The following SLIT3 variants were observed in gnomAD, a reference collection of about 807,000 sequenced individuals.
The protein encoded by SLIT3 is slit guidance ligand 3.
In SLIT3, 68 loss-of-function variants were observed where a neutral mutation model predicts 184.0. The observed-to-expected ratio is 0.37, with a 90% confidence interval of 0.30 to 0.45. SLIT3 has a LOEUF of 0.45. SLIT3 is among the 20% of genes least tolerant of loss of function. The probability of loss-of-function intolerance (pLI) is 1.00; values close to 1 mark genes in which losing one functional copy is unlikely to be tolerated. For synonymous variants in SLIT3, 831 were observed against 828.6 expected (o/e 1.00, Z -0.05); for missense variants, 1,707 against 2,026.0 (o/e 0.84, Z 3.02).
chr5:169,285,237 C>A (rs1293881076), intron 1 of SLIT3, among the ~76,000 whole-genome samples: 1 of 152,128 alleles, frequency 6.6e-6, no homozygotes, highest in Non-Finnish European at 1.5e-5. Flanking sequence ...ATTTTTGAAT[C>A]CAGATCTCCT....
intron 4 of SLIT3, among the ~76,000 whole-genome samples, chr5:168,903,326 C>A (rs78212103): frequency 2.6e-5 from 4 of 152,132 alleles, no homozygotes; most frequent in African/African-American, 9.7e-5. Context: ...GGGGTGCAAA[C>A]CTGGTGTCCC....
At chr5:168,922,029 G>A (rs1043838253) in intron 4 of SLIT3, among the ~76,000 whole-genome samples, 2 of 152,162 alleles carry the variant, frequency 1.3e-5, no homozygotes, top group Admixed American at 1.3e-4. Context: ...AACCATGCAA[G>A]GTTAATGAAA....
At chr5:168,693,723 G>A (rs1761975134) in intron 28 of SLIT3, among the ~76,000 whole-genome samples, 1 of 152,174 alleles carries the variant, frequency 6.6e-6, no homozygotes, top group South Asian at 2.1e-4. Flanking sequence ...GGTAGGTCCA[G>A]AGGGCTGGCT....
intron 7 of SLIT3, among the ~76,000 whole-genome samples, chr5:168,817,881 T>C (rs145480104): frequency 5.3e-5 from 8 of 152,266 alleles, no homozygotes; most frequent in Non-Finnish European, 8.8e-5. Flanking sequence ...TCAATCTCAA[T>C]GCCCCCATCT....
intron 4 of SLIT3, among the ~76,000 whole-genome samples, chr5:169,156,696 G>C (rs950898570): frequency 1.3e-5 from 2 of 152,228 alleles, no homozygotes; most frequent in Non-Finnish European, 2.9e-5. Flanking sequence ...AAGTCGCTCT[G>C]TCAGAACCAT....
chr5:168,976,789 A>G (rs563288969), intron 4 of SLIT3, among the ~76,000 whole-genome samples: 2 of 152,146 alleles, frequency 1.3e-5, no homozygotes, highest in Non-Finnish European at 2.9e-5. Flanking sequence ...TATTGATTTA[A>G]GTGATGAATT....
intron 3 of SLIT3, among the ~76,000 whole-genome samples, chr5:169,227,392 C>T (rs915611455): frequency 6.6e-6 from 1 of 152,136 alleles, no homozygotes; most frequent in Non-Finnish European, 1.5e-5. Context: ...AACAACTCAG[C>T]GTAGGTATTA....
In SLIT3 at chr5:169,300,343, G is replaced by C. The variant is rs1412700939; in HGVS notation, c.197+170C>G. On this transcript the variant is annotated intron_variant, in intron 1 of 35. Transcript: ENST00000519560. The surrounding 1 kb of genome is among the most constrained non-coding windows in gnomAD (Gnocchi z 4.1). ...TTTCGAGACCTCTCTTTCCAGATCTGACCAAGCCTACAGACCCCCAGCTCG... is the reference window on the plus strand; with the variant it reads ...TTTCGAGACCTCTCTTTCCAGATCTCACCAAGCCTACAGACCCCCAGCTCG... 1.3e-5 allele frequency among the ~76,000 whole-genome samples: 2 copies of C among 152,194 alleles called. No individual in the cohort carries two copies. The highest frequency in any genetic ancestry group is 4.8e-5 in the African/African-American group (2 of 41,456).
intron 4 of SLIT3, among the ~76,000 whole-genome samples, chr5:169,181,315 T>C (rs1763145196): frequency 6.6e-6 from 1 of 152,192 alleles, no homozygotes; most frequent in Non-Finnish European, 1.5e-5. Context: ...TAGGTGTATG[T>C]GCCTGTGCTT....
chr5:169,081,925 G>A (rs985864624), intron 4 of SLIT3, among the ~76,000 whole-genome samples: 2 of 152,132 alleles, frequency 1.3e-5, no homozygotes, highest in East Asian at 3.8e-4. Context: ...TGATTTGCCC[G>A]GGCCCACACA....
chr5:168,685,558 G>A, intron 31 of SLIT3, 129 bp downstream of exon 31: 2 of 1,241,336 alleles, frequency 1.6e-6, no homozygotes, highest in Non-Finnish European at 2.2e-6. Flanking sequence ...TGGTCCAGAT[G>A]TCCTCAAGCT....
chr5:168,916,123 C>T (rs1360732662), intron 4 of SLIT3, among the ~76,000 whole-genome samples: 1 of 152,202 alleles, frequency 6.6e-6, no homozygotes, highest in Non-Finnish European at 1.5e-5. Context: ...ATCACCACCA[C>T]CACCACCACA....
rs566538742 is a variant in SLIT3, at chr5:168,961,914, G to A, written c.414-78578C>T. On this transcript the variant is annotated intron_variant, in intron 4 of 35. Coordinates refer to ENST00000519560, the MANE Select transcript of SLIT3 (RefSeq NM_003062.4). The stretch of plus-strand genomic sequence containing the variant: ...TGTGAAAGACAGAGAATTGGTCAAA[G>A]CTGTGCTTTGAAAAGACCACTCTGG... Among the ~76,000 whole-genome samples the A allele has an allele frequency of 1.8e-4, 28 of 151,982 alleles. No individual in the cohort carries two copies. The South Asian group carries it at 2.9e-3, about 16-fold the overall frequency.
intron 9 of SLIT3, among the ~76,000 whole-genome samples, chr5:168,799,603 C>T (rs1756691550): frequency 6.6e-6 from 1 of 152,144 alleles, no homozygotes; most frequent in Non-Finnish European, 1.5e-5. Context: ...CAACATGATG[C>T]CAGGGAGCCT....
chr5:169,192,706 G>A (rs569963162), intron 4 of SLIT3, among the ~76,000 whole-genome samples: 10 of 152,202 alleles, frequency 6.6e-5, no homozygotes, highest in Admixed American at 5.2e-4. Context: ...GGACTGTGTC[G>A]CTTCATTCAG....
At chr5:169,188,890 C>A (rs1763448562) in intron 4 of SLIT3, among the ~76,000 whole-genome samples, 1 of 152,152 alleles carries the variant, frequency 6.6e-6, no homozygotes, top group African/African-American at 2.4e-5. Context: ...AGCCCCTTAA[C>A]CCTTTCACTT....
intron 3 of SLIT3, among the ~76,000 whole-genome samples, chr5:169,203,506 C>T (rs975910275): frequency 6.6e-6 from 1 of 152,218 alleles, no homozygotes; most frequent in Non-Finnish European, 1.5e-5. Flanking sequence ...ATAGTGACCT[C>T]TTCCCCATGA....
chr5:169,020,562 AC>A (rs1756560813), intron 4 of SLIT3, among the ~76,000 whole-genome samples: 1 of 152,210 alleles, frequency 6.6e-6, no homozygotes. Flanking sequence ...AGAGAAATAA[AC>A]CTCAATCAAT....
intron 3 of SLIT3, among the ~76,000 whole-genome samples, chr5:169,201,177 G>A (rs1352250996): frequency 6.6e-6 from 1 of 152,182 alleles, no homozygotes; most frequent in East Asian, 1.9e-4. Context: ...GCTTACATCA[G>A]TTTTGAAATC....
Sources: gnomAD v4.1 joint callset for allele counts (sites outside exome capture counted in the v4.1 genomes callset) on GRCh38, gnomAD v4.1.1 for gene constraint, Gnocchi (gnomAD v3.1) non-coding constraint, MANE v1.5 for transcripts, NCBI Gene and HGNC (gene_info 2026-07-23, HGNC 2026-07-21) for gene names.